The following ZNF572 variants were observed in gnomAD, a reference collection of about 807,000 sequenced individuals.
ZNF572 encodes the protein zinc finger protein 572.
A neutral mutation model predicts 3.8 loss-of-function variants in ZNF572; 2 were observed. The ratio of observed to expected loss-of-function variants is 0.52; its 90% CI spans 0.21 to 1.65. The LOEUF (loss-of-function observed/expected upper bound fraction) is 1.65, where lower values mean the gene tolerates loss of function less well. ZNF572 is among the 40% of genes most tolerant of loss of function. The pLI is 0.20. For missense variants in ZNF572, 581 were observed against 633.4 expected (o/e 0.92, Z 0.89); for synonymous variants, 187 against 204.5 (o/e 0.91, Z 0.73).
chr8:124,977,438 G>A lies in ZNF572; in HGVS notation c.1170G>A (p.Gly390=), dbSNP rs1351226513. The change falls in exon 3 of 3, where the codon GGG becomes GGA. Residue 390 remains glycine (G), a synonymous_variant. Coordinates refer to ENST00000319286, the MANE Select transcript of ZNF572 (RefSeq NM_152412.3). The part of the protein sequence containing the change: ...GEKPYRCCEC[G]KSFGLSSHLI... ...AACCATATAGATGTTGTGAATGTGGGAAGAGTTTTGGCCTTAGCTCCCATC... is the reference window on the plus strand; with the variant it reads ...AACCATATAGATGTTGTGAATGTGGAAAGAGTTTTGGCCTTAGCTCCCATC... 3.1e-6 allele frequency: 5 copies of A among 1,614,114 alleles called. No homozygotes were observed. The highest frequency in any genetic ancestry group is 4.2e-6 in the Non-Finnish European group (5 of 1,180,004).
intron 1 of ZNF572, among the ~76,000 whole-genome samples, chr8:124,974,640 T>C (rs151240491): frequency 7.6e-4 from 116 of 152,352 alleles, no homozygotes; most frequent in African/African-American, 2.7e-3. Flanking sequence ...AAAGTCCATA[T>C]GTCACTGCCT....
chr8:124,974,174 C>T (rs1029248799), intron 1 of ZNF572, among the ~76,000 whole-genome samples: 1 of 152,142 alleles, frequency 6.6e-6, no homozygotes, highest in African/African-American at 2.4e-5. Flanking sequence ...GGAATGTAGA[C>T]CTCTGTTTTA....
chr8:124,978,203 C>A lies in ZNF572; in HGVS notation c.*345C>A, dbSNP rs757067116. 2 of 206,214 alleles carry A rather than the reference C, an allele frequency of 9.7e-6. No individual in the cohort carries two copies. The highest frequency in any genetic ancestry group is 1.9e-5 in the Non-Finnish European group (2 of 104,322). The allele number at this position is 206,214 out of a possible 1,614,324, so 12.8% of individuals were successfully genotyped here. A position where few individuals can be genotyped will look rare whatever the true frequency, so the allele number is the denominator to read the frequency against. Reference sequence around the variant, plus strand: ...ATTGAATTACTTTATTTTCTCTTCCCTTATTGGGTAGAGATACATCATTAC... The same window carrying A: ...ATTGAATTACTTTATTTTCTCTTCCATTATTGGGTAGAGATACATCATTAC... On this transcript the variant is annotated 3_prime_UTR_variant, in exon 3 of 3. Transcript: ENST00000319286.
chr8:124,975,606 G>A lies in ZNF572; in HGVS notation c.-35G>A. ...AAACATAATTTATTTCCTTCCACAGGGTTTCTGATCTCTAACTTGGCTGTG... is the reference window on the plus strand; with the variant it reads ...AAACATAATTTATTTCCTTCCACAGAGTTTCTGATCTCTAACTTGGCTGTG... On this transcript the variant is annotated splice_region_variant and 5_prime_UTR_variant, in exon 2 of 3. Transcript: ENST00000319286. 1 of 1,542,926 alleles carries A rather than the reference G, an allele frequency of 6.5e-7. No individual in the cohort carries two copies. The highest frequency in any genetic ancestry group is 1.7e-5 in the Admixed American group (1 of 59,672).
chr8:124,976,915 A>G lies in ZNF572; in HGVS notation c.647A>G (p.Tyr216Cys). The G allele has an allele frequency of 1.9e-6, 3 of 1,614,152 alleles. No homozygotes were observed. The highest frequency in any genetic ancestry group is 2.5e-6 in the Non-Finnish European group (3 of 1,180,016). Residue 216 changes from tyrosine to cysteine, a missense_variant, in exon 3 of 3, where the codon TAC (tyrosine) becomes TGC (cysteine). Physicochemically the swap from Tyr to Cys is radical, Grantham distance 194. Transcript: ENST00000319286. ...HERTHTGEKP[Y>C]KCPECGKRFS... ...AGAACTCACACGGGAGAGAAACCCT[A>G]CAAATGTCCCGAGTGTGGGAAGAGA...
chr8:124,975,662 T>G lies in ZNF572; in HGVS notation c.22T>G (p.Leu8Val), dbSNP rs1335831363. The G allele has an allele frequency of 6.2e-7, 1 of 1,613,962 alleles. No homozygotes were observed. The stretch of plus-strand genomic sequence containing the variant: ...TGTGATGGAGCAAGAAAAAAAACTG[T>G]TGGTCTCAGATTCTAACAGCTTTAT... The part of the protein sequence containing the change: MEQEKKL[L>V]VSDSNSFMER... The change falls in exon 2 of 3, where the codon TTG becomes GTG. Residue 8 changes from leucine to valine, a missense_variant. By Grantham distance (32) the Leu-to-Val change is conservative. Transcript: ENST00000319286.
chr8:124,975,801 T>C, intron 2 of ZNF572, 82 bp downstream of exon 2: 1 of 1,076,658 alleles, frequency 9.3e-7, no homozygotes, highest in Non-Finnish European at 1.4e-6. Context: ...CAAACCTTAA[T>C]TTAATTCCTT....
At chr8:124,973,605 G>C (rs148786321) in intron 1 of ZNF572, among the ~76,000 whole-genome samples, 189 bp downstream of exon 1, 1 of 152,188 alleles carries the variant, frequency 6.6e-6, no homozygotes, top group African/African-American at 2.4e-5. Context: ...CTTGTCGGCC[G>C]GAGACCGTCT....
In ZNF572 at chr8:124,977,536, A is replaced by G. The variant is rs1814525677; in HGVS notation, c.1268A>G (p.Gln423Arg). ...RCSECWKTFS[Q>R]SSTLVIHQRT... Reference sequence around the variant, plus strand: ...TCTGAGTGCTGGAAAACTTTCAGTCAGAGTTCCACCCTGGTGATTCACCAA... The same window carrying G: ...TCTGAGTGCTGGAAAACTTTCAGTCGGAGTTCCACCCTGGTGATTCACCAA... The change falls in exon 3 of 3, where the codon CAG becomes CGG. Residue 423 changes from glutamine to arginine, a missense_variant. Gln to Arg is a conservative substitution (Grantham distance 43, BLOSUM62 1). Transcript: ENST00000319286. 6.2e-7 allele frequency: 1 copy of G among 1,614,126 alleles called. No individual in the cohort carries two copies. Among genetic ancestry groups the G allele is most frequent in the Admixed American group, 1.7e-5 (1 of 60,008 alleles).
rs1814526184 is a variant in ZNF572 at position 124,977,571 on chromosome 8, A to G, written c.1303A>G (p.Thr435Ala). Residue 435 changes from threonine (T) to alanine (A), a missense_variant, in exon 3 of 3, where the codon ACA becomes GCA. Coordinates refer to ENST00000319286, the MANE Select transcript of ZNF572 (RefSeq NM_152412.3). ...STLVIHQRTH[T>A]GEKPYKCPDC... is the part of the protein sequence containing the mutation. The stretch of plus-strand genomic sequence containing the variant: ...CCTGGTGATTCACCAAAGGACACAT[A>G]CAGGAGAGAAACCTTATAAATGTCC... 1.2e-6 allele frequency: 2 copies of G among 1,614,118 alleles called. No homozygotes were observed. The highest frequency in any genetic ancestry group is 1.7e-6 in the Non-Finnish European group (2 of 1,180,048).
In ZNF572 at chr8:124,977,083, A is replaced by G. The variant is rs757433136; in HGVS notation, c.815A>G (p.Tyr272Cys). 24 of 1,610,464 alleles carry G rather than the reference A, an allele frequency of 1.5e-5. No homozygotes were observed. The highest frequency in any genetic ancestry group is 4.4e-5 in the South Asian group (4 of 91,094). The part of the protein sequence containing the change: ...HQRTHTGEKP[Y>C]KCPDCGKSFS... ...AGGACTCACACTGGAGAAAAACCTT[A>G]TAAGTGCCCTGATTGTGGGAAGAGT... The change falls in exon 3 of 3, where the codon TAT (tyrosine) becomes TGT (cysteine). Residue 272 changes from tyrosine to cysteine, a missense_variant. Physicochemically the swap from Tyr to Cys is radical, Grantham distance 194. Coordinates refer to ENST00000319286, the MANE Select transcript of ZNF572 (RefSeq NM_152412.3).
rs774769574 is a variant in ZNF572, at chr8:124,975,016, G to C, written c.-35-590G>C. 2.6e-5 allele frequency among the ~76,000 whole-genome samples: 4 copies of C among 152,204 alleles called. 1 individual carries two copies. The highest frequency in any genetic ancestry group is 2.0e-4 in the Admixed American group (3 of 15,278). On this transcript the variant is annotated intron_variant, in intron 1 of 2. Transcript: ENST00000319286. ...TGATAGACTTAGGAACTAAGTGCAA[G>C]GAGGAAGAGGTCCCTCTTTAGCCTC...
chr8:124,978,511 A>T lies in ZNF572; in HGVS notation c.*653A>T, dbSNP rs988035671. 1.3e-5 allele frequency: 2 copies of T among 152,202 alleles called. No individual in the cohort carries two copies. Among genetic ancestry groups the T allele is most frequent in the Non-Finnish European group, 2.9e-5 (2 of 68,040 alleles). The allele number at this position is 152,202 out of a possible 1,614,324, so 9.4% of individuals were successfully genotyped here. On this transcript the variant is annotated 3_prime_UTR_variant, in exon 3 of 3. Transcript: ENST00000319286. Reference sequence around the variant, plus strand: ...GTGTGACCAGCGGCTACTGTATTGGATATTATAGAAGGTTCTTTCATTCAA... The same window carrying T: ...GTGTGACCAGCGGCTACTGTATTGGTTATTATAGAAGGTTCTTTCATTCAA...
intron 1 of ZNF572, among the ~76,000 whole-genome samples, chr8:124,974,418 A>G (rs562570993): frequency 6.6e-6 from 1 of 152,340 alleles, no homozygotes; most frequent in East Asian, 1.9e-4. Context: ...GTAGTTGTTC[A>G]TACACTTCAG....
Position 124,978,133 on chromosome 8 carries a change from C to A in ZNF572, c.*275C>A, listed in dbSNP as rs547750811. On this transcript the variant is annotated 3_prime_UTR_variant, in exon 3 of 3. Transcript: ENST00000319286. The stretch of plus-strand genomic sequence containing the variant: ...TCAAAAGAACACATACAGAGTAATC[C>A]TGAGAGTAAGCAAAGGAACCATGAG... The A allele has an allele frequency of 1.4e-5, 5 of 358,260 alleles. No homozygotes were observed. The highest frequency in any genetic ancestry group is 2.5e-5 in the Non-Finnish European group (5 of 201,104). The allele number at this position is 358,260 out of a possible 1,614,324, so 22.2% of individuals were successfully genotyped here. A position where few individuals can be genotyped will look rare whatever the true frequency, so the allele number is the denominator to read the frequency against.
chr8:124,975,543 G>A (rs1432938579), intron 1 of ZNF572, 63 bp from the exon 2 acceptor site: 2 of 949,304 alleles, frequency 2.1e-6, no homozygotes, highest in Non-Finnish European at 3.4e-6. Context: ...GAATGGTTGG[G>A]AAGGAAGGAG....
intron 1 of ZNF572, among the ~76,000 whole-genome samples, chr8:124,975,095 A>G (rs1814490468): frequency 6.6e-6 from 1 of 152,098 alleles, no homozygotes; most frequent in Non-Finnish European, 1.5e-5. Context: ...GCTTTGTCCT[A>G]ATTTCTCTTT....
chr8:124,974,598 A>C (rs1814480139), intron 1 of ZNF572, among the ~76,000 whole-genome samples: 1 of 152,188 alleles, frequency 6.6e-6, no homozygotes, highest in Non-Finnish European at 1.5e-5. Flanking sequence ...CTCCCAAATA[A>C]TGATACTCTT....
intron 2 of ZNF572, 72 bp downstream of exon 2, chr8:124,975,791 C>T: frequency 8.4e-7 from 1 of 1,186,040 alleles, no homozygotes; most frequent in Non-Finnish European, 1.2e-6. Flanking sequence ...TAGAATGAGA[C>T]AAACCTTAAT....
Sources: allele counts gnomAD v4.1 joint callset (sites outside exome capture counted in the v4.1 genomes callset), GRCh38; gene constraint gnomAD v4.1.1; transcripts MANE v1.5; gene names NCBI Gene and HGNC (gene_info 2026-07-23, HGNC 2026-07-21).